Variants in BABAM2 observed in about 807,000 individuals in gnomAD.
The protein encoded by BABAM2 is BRISC and BRCA1-A complex member 2.
A neutral mutation model predicts 54.7 loss-of-function variants in BABAM2; 31 were observed. The ratio of observed to expected loss-of-function variants is 0.57; its 90% CI spans 0.43 to 0.77. The LOEUF (loss-of-function observed/expected upper bound fraction) is 0.77. Ranked by LOEUF, BABAM2 falls within the 30% of genes least tolerant of loss-of-function variation. The probability of loss-of-function intolerance (pLI) is 0.00; values close to 1 mark genes in which losing one functional copy is unlikely to be tolerated. For synonymous variants in BABAM2, 167 were observed against 162.9 expected (o/e 1.03, Z -0.19); for missense variants, 364 against 455.8 (o/e 0.80, Z 1.83).
chr2:28,284,909 G>C (rs1686664897), intron 10 of BABAM2, among the ~76,000 whole-genome samples: 1 of 152,116 alleles, frequency 6.6e-6, no homozygotes, highest in Non-Finnish European at 1.5e-5. Context: ...CAAGTATTCT[G>C]CACATATATT....
chr2:27,946,911 T>C (rs1669339580), intron 3 of BABAM2, among the ~76,000 whole-genome samples: 1 of 152,332 alleles, frequency 6.6e-6, no homozygotes, highest in South Asian at 2.1e-4. Flanking sequence ...CCTTATTCTT[T>C]TACTGCCTGT....
At chr2:27,972,384 C>T (rs1671281148) in intron 3 of BABAM2, among the ~76,000 whole-genome samples, 1 of 152,140 alleles carries the variant, frequency 6.6e-6, no homozygotes, top group Non-Finnish European at 1.5e-5. Context: ...TAATAACTGC[C>T]AAGGAACAGA....
intron 6 of BABAM2, among the ~76,000 whole-genome samples, chr2:28,116,542 C>T (rs1668633416): frequency 6.6e-6 from 1 of 152,198 alleles, no homozygotes; most frequent in Non-Finnish European, 1.5e-5. Flanking sequence ...TGGGTAGGAA[C>T]AAAGGTGTTA....
chr2:28,279,695 C>T (rs1686189212), intron 10 of BABAM2, among the ~76,000 whole-genome samples: 2 of 100,166 alleles, frequency 2.0e-5, no homozygotes, highest in African/African-American at 4.1e-5. Context: ...GATGGAGTTT[C>T]ACTCTTGTTA....
intron 7 of BABAM2, among the ~76,000 whole-genome samples, chr2:28,141,062 A>C (rs961474905): frequency 1.3e-5 from 2 of 151,722 alleles, no homozygotes; most frequent in Non-Finnish European, 2.9e-5. Flanking sequence ...CATCATGGGG[A>C]CTCTACCCTC....
intron 4 of BABAM2, among the ~76,000 whole-genome samples, chr2:27,994,452 C>T (rs1672991464): frequency 1.3e-5 from 2 of 152,124 alleles, no homozygotes; most frequent in African/African-American, 4.8e-5. Flanking sequence ...ATCCAGAAGC[C>T]TCACTCATGT....
chr2:27,892,198 G>A (rs554560955), intron 1 of BABAM2, among the ~76,000 whole-genome samples: 1 of 152,264 alleles, frequency 6.6e-6, no homozygotes, highest in South Asian at 2.1e-4. Flanking sequence ...TTATTTTGCT[G>A]AGCTTTAATT....
intron 4 of BABAM2, among the ~76,000 whole-genome samples, chr2:28,002,809 G>A (rs934099358): frequency 4.6e-5 from 7 of 152,130 alleles, no homozygotes; most frequent in African/African-American, 1.4e-4. Context: ...CTAGCAAAAA[G>A]ATGATTGACT....
At chr2:28,136,392 G>T (rs977721387) in intron 7 of BABAM2, among the ~76,000 whole-genome samples, 1 of 152,246 alleles carries the variant, frequency 6.6e-6, no homozygotes, top group Non-Finnish European at 1.5e-5. Context: ...CATCAGTTGA[G>T]GGCTGGTGAG....
At chr2:27,903,986 C>T (rs1666013295) in intron 2 of BABAM2, among the ~76,000 whole-genome samples, 1 of 152,028 alleles carries the variant, frequency 6.6e-6, no homozygotes, top group African/African-American at 2.4e-5. Context: ...GCACTTTATT[C>T]AGTAAAATAA....
chr2:28,237,347 C>G, intron 8 of BABAM2, 46 bp downstream of exon 8: 1 of 1,536,578 alleles, frequency 6.5e-7, no homozygotes, highest in Non-Finnish European at 9.0e-7. Context: ...ATTTCTTCCT[C>G]CAGTCCACCA....
upstream of BABAM2, chr2:27,889,918 T>G (rs963569009): frequency 3.1e-5 from 8 of 257,168 alleles, no homozygotes; most frequent in Non-Finnish European, 4.4e-5. Flanking sequence ...TGGGCAAAGT[T>G]CCCTGGCTCG....
chr2:28,250,745 A>C (rs1272690783), intron 10 of BABAM2, among the ~76,000 whole-genome samples: 6 of 152,084 alleles, frequency 3.9e-5, no homozygotes, highest in Admixed American at 1.3e-4. Flanking sequence ...GATTACAGGC[A>C]TGTGCCACCA....
chr2:27,953,088 C>T (rs146622675), intron 3 of BABAM2, among the ~76,000 whole-genome samples: 1 of 152,276 alleles, frequency 6.6e-6, no homozygotes, highest in African/African-American at 2.4e-5. Flanking sequence ...GTGGTATAAT[C>T]TTGGCTCACT....
At chr2:27,924,471 G>C (rs1271514147) in intron 2 of BABAM2, among the ~76,000 whole-genome samples, 1 of 151,984 alleles carries the variant, frequency 6.6e-6, no homozygotes, top group Non-Finnish European at 1.5e-5. Context: ...TGCAACCTCT[G>C]TATCTTGGGC....
chr2:27,902,210 C>T (rs1216157779), intron 2 of BABAM2, among the ~76,000 whole-genome samples: 1 of 151,928 alleles, frequency 6.6e-6, no homozygotes, highest in Non-Finnish European at 1.5e-5. Context: ...GTGTATTTAC[C>T]CATTAGTGGT....
In BABAM2 at chr2:28,246,220, G is replaced by C. The variant is rs115605354; in HGVS notation, c.934+1358G>C. Among the ~76,000 whole-genome samples, 694 of 152,248 alleles carry C rather than the reference G, an allele frequency of 4.6e-3. 6 individuals are homozygous for C. The highest frequency in any genetic ancestry group is 0.016 in the African/African-American group (668 of 41,540). On this transcript the variant is annotated intron_variant, in intron 10 of 11. Coordinates refer to ENST00000379624, the MANE Select transcript of BABAM2 (RefSeq NM_199191.3). The stretch of plus-strand genomic sequence containing the variant: ...AATCTCCTCTTTGCTCAGTGTCTTC[G>C]ATGGCCCTACTAATCTGAGCCTAAC...
chr2:28,295,965 C>T (rs941788157), intron 10 of BABAM2, among the ~76,000 whole-genome samples: 9 of 151,984 alleles, frequency 5.9e-5, no homozygotes, highest in African/African-American at 1.9e-4. Flanking sequence ...AAAAATTAGC[C>T]GAACGTGGTG....
chr2:28,245,283 C>G (rs1682815261), intron 10 of BABAM2, among the ~76,000 whole-genome samples: 1 of 152,164 alleles, frequency 6.6e-6, no homozygotes, highest in African/African-American at 2.4e-5. Flanking sequence ...TTCTAATTAT[C>G]TTTCCAGTAT....
Sources: gnomAD v4.1 joint callset for allele counts (sites outside exome capture counted in the v4.1 genomes callset) on GRCh38, gnomAD v4.1.1 for gene constraint, MANE v1.5 for transcripts, NCBI Gene and HGNC (gene_info 2026-07-23, HGNC 2026-07-21) for gene names.